ARID3A: variants seen among roughly 807,000 people sequenced by gnomAD.
The protein encoded by ARID3A is AT-rich interactive domain-containing protein 3A.
Under a neutral mutation model 52.7 loss-of-function variants are expected in ARID3A, and 11 were observed. The observed-to-expected ratio is 0.21, with a 90% CI of 0.13 to 0.35. ARID3A has a LOEUF of 0.35. Among genes scored for constraint, ARID3A ranks in the 10% least tolerant of loss-of-function variants. The pLI, the probability that ARID3A is intolerant of heterozygous loss-of-function variation, is 1.00. For synonymous variants in ARID3A, 404 were observed against 359.4 expected (o/e 1.12, Z -1.40); for missense variants, 721 against 838.5 (o/e 0.86, Z 1.73).
At position 929,495 on chromosome 19, in the gene ARID3A, T is replaced by G. The variant is rs1599379002; in HGVS notation, c.-34T>G. The stretch of plus-strand genomic sequence containing the variant: ...CCCCTAGCGCCCGTGGTGGTGGTGG[T>G]GGTGGTGGTGGTGGTGGCCCGGGCC... On this transcript the variant is annotated 5_prime_UTR_variant, in exon 2 of 9. Transcript: ENST00000263620. This position sits in a 1 kb window ranked among gnomAD's most constrained non-coding sequence, Gnocchi z 6.2. 7.0e-6 allele frequency: 9 copies of G among 1,283,092 alleles called. No individual in the cohort carries two copies. The highest frequency in any genetic ancestry group is 5.6e-5 in the East Asian group (1 of 17,714). 79.5% of individuals were successfully genotyped at this position (1,283,092 alleles called of 1,614,324 possible). A position where few individuals can be genotyped will look rare whatever the true frequency, so the allele number is the denominator to read the frequency against.
rs2038314500 is a variant in ARID3A, at chr19:973,104, A to ACTTTTTTTTTTTTTTTTTTTTTTTTT, written c.*1039_*1040insCTTTTTTTTTTTTTTTTTTTTTTTTT. The stretch of plus-strand genomic sequence containing the variant: ...GGGCTCTCGAGTCAGGGGCCTGGAA[A>ACTTTTTTTTTTTTTTTTTTTTTTTTT]TTTTTTTTTTTTTTTTTTTTTGAGA... On this transcript the variant is annotated 3_prime_UTR_variant, in exon 9 of 9. Transcript: ENST00000263620. 1.9e-5 allele frequency: 1 copy of ACTTTTTTTTTTTTTTTTTTTTTTTTT among 53,488 alleles called. No individual in the cohort carries two copies. The highest frequency in any genetic ancestry group is 3.4e-5 in the Non-Finnish European group (1 of 29,006). 3.3% of individuals were successfully genotyped at this position (53,488 alleles called of 1,614,324 possible). A position where few individuals can be genotyped will look rare whatever the true frequency, so the allele number is the denominator to read the frequency against.
intron 3 of ARID3A, among the ~76,000 whole-genome samples, chr19:950,797 G>A (rs367629142): frequency 1.3e-5 from 2 of 152,238 alleles, no homozygotes; most frequent in African/African-American, 4.8e-5. Flanking sequence ...AACTTTGGTT[G>A]TAGGAGTCAC....
rs948672368 is a variant in ARID3A at position 942,978 on chromosome 19, G to A, written c.693+10236G>A. ...GTACGGTGGCCCCAAATCCCATGCCGGTCGGTTGTCCTCTAAGGGGGAGGT... is the reference window on the plus strand; with the variant it reads ...GTACGGTGGCCCCAAATCCCATGCCAGTCGGTTGTCCTCTAAGGGGGAGGT... On this transcript the variant is annotated intron_variant, in intron 3 of 8. Transcript: ENST00000263620. This position sits in a 1 kb window ranked among gnomAD's most constrained non-coding sequence, Gnocchi z 8.1. 6.6e-6 allele frequency among the ~76,000 whole-genome samples: 1 copy of A among 152,140 alleles called. No individual in the cohort carries two copies. The highest frequency in any genetic ancestry group is 2.4e-5 in the African/African-American group (1 of 41,430).
intron 3 of ARID3A, among the ~76,000 whole-genome samples, chr19:933,226 G>C (rs1029999994): frequency 1.3e-5 from 2 of 152,162 alleles, no homozygotes; most frequent in East Asian, 3.9e-4. Context: ...GGGTGGCTCA[G>C]GTGTGGCTGC....
Position 929,627 on chromosome 19 carries a change from T to G in ARID3A, c.99T>G (p.Ala33=). The G allele has an allele frequency of 6.6e-7, 1 of 1,526,582 alleles. No individual in the cohort carries two copies. Among genetic ancestry groups the G allele is most frequent in the East Asian group, 2.5e-5 (1 of 40,098 alleles). The allele number at this position is 1,526,582 out of a possible 1,614,324, so 94.6% of individuals were successfully genotyped here. A position where few individuals can be genotyped will look rare whatever the true frequency, so the allele number is the denominator to read the frequency against. Residue 33 remains alanine, a synonymous_variant, in exon 2 of 9, where the codon GCT becomes GCG. Transcript: ENST00000263620. The surrounding 1 kb of genome is among the most constrained non-coding windows in gnomAD (Gnocchi z 6.2). The part of the protein sequence containing the change: ...ARQQLPPDPP[A]APPGRARAAP... ...AGCAGCTGCCCCCCGATCCCCCTGCTGCACCCCCCGGCCGGGCCCGGGCTG... is the reference window on the plus strand; with the variant it reads ...AGCAGCTGCCCCCCGATCCCCCTGCGGCACCCCCCGGCCGGGCCCGGGCTG...
intron 3 of ARID3A, among the ~76,000 whole-genome samples, chr19:933,606 C>T (rs909925889): frequency 7.2e-5 from 11 of 152,130 alleles, no homozygotes; most frequent in East Asian, 5.8e-4. Flanking sequence ...GCAGCCCCTT[C>T]GGCCCTGGGC....
At chr19:945,693 T>C (rs2037662527) in intron 3 of ARID3A, among the ~76,000 whole-genome samples, 1 of 152,088 alleles carries the variant, frequency 6.6e-6, no homozygotes, top group Non-Finnish European at 1.5e-5. Context: ...CCTTCCTTCC[T>C]GCAGCCGTCT....
chr19:962,062 T>G (rs1049362228), intron 4 of ARID3A: 1 of 152,004 alleles, frequency 6.6e-6, no homozygotes, highest in African/African-American at 2.4e-5. Context: ...GACAGCGAGC[T>G]CCTATGCGTC....
rs1466556640 is a variant in ARID3A at position 959,787 on chromosome 19, A to T, written c.694-305A>T. On this transcript the variant is annotated intron_variant, in intron 3 of 8. Coordinates refer to ENST00000263620, the MANE Select transcript of ARID3A (RefSeq NM_005224.3). This position sits in a 1 kb window ranked among gnomAD's most constrained non-coding sequence, Gnocchi z 5.0. ...TGGAGCGCTGCGGCCACAAGCCAGG[A>T]CGCACCTTGATCTGGGGTTCCCGGG... Among the ~76,000 whole-genome samples the T allele has an allele frequency of 1.3e-5, 2 of 152,102 alleles. No homozygotes were observed. Among genetic ancestry groups the T allele is most frequent in the African/African-American group, 4.8e-5 (2 of 41,398 alleles).
chr19:945,304 CTT>C (rs1292072470), intron 3 of ARID3A, among the ~76,000 whole-genome samples: 1 of 152,252 alleles, frequency 6.6e-6, no homozygotes, highest in Non-Finnish European at 1.5e-5. Context: ...GCTCTTGTGA[CTT>C]TGTTTTCATC....
intron 3 of ARID3A, among the ~76,000 whole-genome samples, chr19:935,464 C>T (rs532938903): frequency 1.3e-5 from 2 of 152,084 alleles, no homozygotes; most frequent in Admixed American, 6.5e-5. Context: ...AAAGCGGCCA[C>T]GGTAGGATTT....
intron 8 of ARID3A, among the ~76,000 whole-genome samples, chr19:970,307 C>T (rs557306964): frequency 2.0e-5 from 3 of 151,324 alleles, no homozygotes; most frequent in Non-Finnish European, 4.4e-5. Flanking sequence ...AGCAAGACTT[C>T]GTCTCAGAGG....
intron 4 of ARID3A, among the ~76,000 whole-genome samples, chr19:962,202 C>T (rs1195664932): frequency 6.6e-6 from 1 of 152,192 alleles, no homozygotes; most frequent in East Asian, 1.9e-4. Context: ...TCACAATCTT[C>T]CTCTCCTTCA....
chr19:927,506 G>T (rs1054433478), intron 1 of ARID3A, among the ~76,000 whole-genome samples: 89 of 152,090 alleles, frequency 5.9e-4, no homozygotes, highest in Non-Finnish European at 7.4e-5. Context: ...AGCAGGGCTC[G>T]GAGCGGGCTG....
intron 3 of ARID3A, among the ~76,000 whole-genome samples, chr19:950,111 C>CCCCAGAGGGAACGGATGGATGAGGCCGTG (rs2037774448): frequency 5.6e-4 from 12 of 21,512 alleles, no homozygotes; most frequent in African/African-American, 1.8e-3. Context: ...ATGAGGCCGT[C>CCCCAGAGGGAACGGATGGATGAGGCCGTG]CCCAGAGTGA....
rs550225292 is a variant in ARID3A, at chr19:974,508, C to G, written c.*2443C>G. ...CCTGGGCCCCGCGCCGGGGGAAGCGCCTGCTGCCTATCTCTGTCTACCTCA... is the reference window on the plus strand; with the variant it reads ...CCTGGGCCCCGCGCCGGGGGAAGCGGCTGCTGCCTATCTCTGTCTACCTCA... On this transcript the variant is annotated 3_prime_UTR_variant, in exon 9 of 9. Transcript: ENST00000263620. 4.3e-6 allele frequency: 1 copy of G among 230,930 alleles called. No individual in the cohort carries two copies. The highest frequency in any genetic ancestry group is 6.1e-5 in the East Asian group (1 of 16,348). 14.3% of individuals were successfully genotyped at this position (230,930 alleles called of 1,614,324 possible).
At chr19:961,239 A>C (rs1476023630) in intron 4 of ARID3A, among the ~76,000 whole-genome samples, 2 of 148,190 alleles carry the variant, frequency 1.3e-5, no homozygotes, top group Non-Finnish European at 3.0e-5. Flanking sequence ...GCCTCCGCCC[A>C]CCCCTCCCCT....
Position 964,321 on chromosome 19 carries a change from G to C in ARID3A, c.840G>C (p.Thr280=), listed in dbSNP as rs1284641380. The change falls in exon 5 of 9, where the codon ACG becomes ACC. Residue 280 remains threonine, a synonymous_variant. Transcript: ENST00000263620. This position sits in a 1 kb window ranked among gnomAD's most constrained non-coding sequence, Gnocchi z 5.7. Reference sequence around the variant, plus strand: ...TGTTCATGCTGTACGTGCTGGTGACGGAGAAGGGCGGCCTCGTGGAGGTCA... The same window carrying C: ...TGTTCATGCTGTACGTGCTGGTGACCGAGAAGGGCGGCCTCGTGGAGGTCA... ...LDLFMLYVLV[T]EKGGLVEVIN... is the part of the protein sequence containing the mutation. 6.2e-7 allele frequency: 1 copy of C among 1,614,136 alleles called. No individual in the cohort carries two copies. Among genetic ancestry groups the C allele is most frequent in the Admixed American group, 1.7e-5 (1 of 60,014 alleles).
chr19:944,325 G>GGGGTGTGT lies in ARID3A; in HGVS notation c.693+11584_693+11585insGGTGTGTG, dbSNP rs1555727927. On this transcript the variant is annotated intron_variant, in intron 3 of 8. Coordinates refer to ENST00000263620, the MANE Select transcript of ARID3A (RefSeq NM_005224.3). This position sits in a 1 kb window ranked among gnomAD's most constrained non-coding sequence, Gnocchi z 5.9. ...TCTGGCTGCAGGGGCGCGTCCAGGG[G>GGGGTGTGT]GTGTGTGTGTGTGTGTGTGTGTGTC... 3.5e-3 allele frequency among the ~76,000 whole-genome samples: 526 copies of GGGGTGTGT among 149,832 alleles called. 1 individual carries two copies. Among genetic ancestry groups the GGGGTGTGT allele is most frequent in the African/African-American group, 0.011 (453 of 40,962 alleles).
Sources: allele counts gnomAD v4.1 joint callset (sites outside exome capture counted in the v4.1 genomes callset), GRCh38; gene constraint gnomAD v4.1.1; non-coding constraint Gnocchi (gnomAD v3.1); transcripts MANE v1.5; gene names NCBI Gene and HGNC (gene_info 2026-07-23, HGNC 2026-07-21).